The following PDSS2 variants were observed in gnomAD, a reference collection of about 807,000 sequenced individuals.
The protein encoded by PDSS2 is decaprenyl diphosphate synthase subunit 2.
In PDSS2, 31 loss-of-function variants were observed where a neutral mutation model predicts 44.5. The ratio of observed to expected loss-of-function variants is 0.70; its 90% confidence interval spans 0.52 to 0.94. PDSS2 has a LOEUF of 0.94. Ranked by LOEUF, PDSS2 falls within the 40% of genes least tolerant of loss-of-function variation. The pLI is 0.00. For synonymous variants in PDSS2, 157 were observed against 180.3 expected (o/e 0.87, Z 1.03); for missense variants, 452 against 482.2 (o/e 0.94, Z 0.59).
intron 2 of PDSS2, among the ~76,000 whole-genome samples, chr6:107,310,834 A>C (rs1334606538): frequency 6.6e-6 from 1 of 152,160 alleles, no homozygotes; most frequent in Non-Finnish European, 1.5e-5. Context: ...TCAGAGGGGA[A>C]GGAGAAACTC....
At chr6:107,208,967 A>AT (rs567260163) in intron 6 of PDSS2, among the ~76,000 whole-genome samples, 1,838 of 150,376 alleles carry the variant, frequency 0.012, 18 homozygotes, top group Middle Eastern at 0.044. Flanking sequence ...TTTCTGGGAG[A>AT]TTTTTTCATT....
intron 4 of PDSS2, among the ~76,000 whole-genome samples, chr6:107,233,089 T>A (rs1774106556): frequency 6.6e-6 from 1 of 152,176 alleles, no homozygotes; most frequent in South Asian, 2.1e-4. Context: ...AGTGCTGGGA[T>A]TACAGATGTG....
At chr6:107,327,916 T>C (rs1165859988) in intron 2 of PDSS2, among the ~76,000 whole-genome samples, 1 of 152,246 alleles carries the variant, frequency 6.6e-6, no homozygotes, top group Non-Finnish European at 1.5e-5. Flanking sequence ...TCCCTTTAAG[T>C]CATCGTCCAT....
At chr6:107,231,125 C>T (rs370114920) in intron 4 of PDSS2, among the ~76,000 whole-genome samples, 1 of 152,092 alleles carries the variant, frequency 6.6e-6, no homozygotes. Flanking sequence ...TCATGACAGA[C>T]TAGAAATGCT....
intron 1 of PDSS2, among the ~76,000 whole-genome samples, chr6:107,371,090 G>T (rs1350307797): frequency 6.6e-6 from 1 of 151,980 alleles, no homozygotes; most frequent in Non-Finnish European, 1.5e-5. Flanking sequence ...TGAGGCAGGA[G>T]AATCGCTTGA....
chr6:107,301,654 T>C (rs1776698116), intron 2 of PDSS2, among the ~76,000 whole-genome samples: 1 of 152,042 alleles, frequency 6.6e-6, no homozygotes, highest in African/African-American at 2.4e-5. Flanking sequence ...CTTGAAAAGG[T>C]AAAATGAAAA....
intron 3 of PDSS2, among the ~76,000 whole-genome samples, chr6:107,265,682 C>T (rs1444062785): frequency 6.6e-6 from 1 of 152,180 alleles, no homozygotes; most frequent in Non-Finnish European, 1.5e-5. Context: ...TGGCTCACGC[C>T]TGTAATCCTA....
At chr6:107,373,947 C>T (rs1371586238) in intron 1 of PDSS2, among the ~76,000 whole-genome samples, 1 of 152,088 alleles carries the variant, frequency 6.6e-6, no homozygotes, top group Non-Finnish European at 1.5e-5. Context: ...AAGAAGGATC[C>T]TGTGAACATC....
chr6:107,331,695 C>T (rs1777716372), intron 2 of PDSS2, among the ~76,000 whole-genome samples: 1 of 152,030 alleles, frequency 6.6e-6, no homozygotes, highest in Admixed American at 6.6e-5. Flanking sequence ...CACTTTCTAG[C>T]TAAAATATTT....
chr6:107,156,639 CTA>C (rs1554245702), intron 7 of PDSS2, among the ~76,000 whole-genome samples: 1 of 152,160 alleles, frequency 6.6e-6, no homozygotes, highest in African/African-American at 2.4e-5. Context: ...AAGTTCTGGT[CTA>C]TGAGTTGTGA....
At chr6:107,417,049 C>T (rs375557956) in intron 1 of PDSS2, among the ~76,000 whole-genome samples, 8 of 151,854 alleles carry the variant, frequency 5.3e-5, no homozygotes, top group African/African-American at 1.7e-4. Context: ...GGCAATACAG[C>T]GAGACCCCCG....
chr6:107,316,538 G>GT (rs1293383559), intron 2 of PDSS2, among the ~76,000 whole-genome samples: 6 of 152,054 alleles, frequency 3.9e-5, no homozygotes, highest in Non-Finnish European at 8.8e-5. Flanking sequence ...TGAATGGATT[G>GT]TTAGGTGGTT....
At chr6:107,347,137 G>GA (rs1448040874) in intron 1 of PDSS2, among the ~76,000 whole-genome samples, 1 of 152,120 alleles carries the variant, frequency 6.6e-6, no homozygotes, top group Non-Finnish European at 1.5e-5. Context: ...GTGTTACATG[G>GA]AAATGAGGAC....
At chr6:107,454,234 G>C (rs1447697891) in intron 1 of PDSS2, among the ~76,000 whole-genome samples, 2 of 151,968 alleles carry the variant, frequency 1.3e-5, no homozygotes, top group African/African-American at 4.8e-5. Flanking sequence ...TTTTTGTAGA[G>C]ATGGGGTTTC....
At position 107,391,444 on chromosome 6, in the gene PDSS2, T is replaced by C. The variant is rs373309300; in HGVS notation, c.297-57112A>G. Reference sequence around the variant, plus strand: ...TAAGTATAAGGACTAATAACATCCTTAGAGAGCTCCTGCTGCCAGAAATAG... The same window carrying C: ...TAAGTATAAGGACTAATAACATCCTCAGAGAGCTCCTGCTGCCAGAAATAG... On this transcript the variant is annotated intron_variant, in intron 1 of 7. Coordinates refer to ENST00000369037, the MANE Select transcript of PDSS2 (RefSeq NM_020381.4). Among the ~76,000 whole-genome samples, 6 of 152,188 alleles carry C rather than the reference T, an allele frequency of 3.9e-5. No individual in the cohort carries two copies. The South Asian group carries it at 1.0e-3, about 26-fold the overall frequency.
intron 3 of PDSS2, 103 bp downstream of exon 3, chr6:107,273,926 T>C (rs1349910108): frequency 9.7e-6 from 8 of 821,504 alleles, no homozygotes; most frequent in East Asian, 4.8e-5. Context: ...AGCATGTACA[T>C]GAGGGGAGTT....
intron 2 of PDSS2, among the ~76,000 whole-genome samples, chr6:107,327,716 C>G (rs1200875394): frequency 6.6e-6 from 1 of 152,234 alleles, no homozygotes; most frequent in African/African-American, 2.4e-5. Flanking sequence ...CTCGGCCTCC[C>G]AAAGTGCTGG....
At chr6:107,248,286 T>C (rs953264749) in intron 3 of PDSS2, among the ~76,000 whole-genome samples, 2 of 152,038 alleles carry the variant, frequency 1.3e-5, no homozygotes, top group Non-Finnish European at 2.9e-5. Flanking sequence ...GCAGGAATAA[T>C]GGCAGCCAAA....
chr6:107,318,861 G>A (rs746661869), intron 2 of PDSS2, among the ~76,000 whole-genome samples: 11 of 152,174 alleles, frequency 7.2e-5, no homozygotes, highest in Admixed American at 1.3e-4. Flanking sequence ...GGTGGCAGGC[G>A]CCTGTAATCC....
Sources: gnomAD v4.1 joint callset for allele counts (sites outside exome capture counted in the v4.1 genomes callset) on GRCh38, gnomAD v4.1.1 for gene constraint, MANE v1.5 for transcripts, NCBI Gene and HGNC (gene_info 2026-07-23, HGNC 2026-07-21) for gene names.